The following PAFAH1B2 variants were observed in gnomAD, a reference collection of about 807,000 sequenced individuals.
PAFAH1B2 encodes platelet-activating factor acetylhydrolase IB subunit alpha2.
In PAFAH1B2, 8 loss-of-function variants were observed where a neutral mutation model predicts 28.0. The ratio of observed to expected loss-of-function variants is 0.29; its 90% CI spans 0.17 to 0.52. The LOEUF (loss-of-function observed/expected upper bound fraction) is 0.52. Among genes scored for constraint, PAFAH1B2 ranks in the 20% least tolerant of loss-of-function variants. The probability of loss-of-function intolerance (pLI) is 0.97; values close to 1 mark genes in which losing one functional copy is unlikely to be tolerated. For synonymous variants in PAFAH1B2, 104 were observed against 103.2 expected, an observed-to-expected ratio of 1.01 and a Z score of -0.05; for missense variants, 190 against 282.6, an observed-to-expected ratio of 0.67 and a Z score of 2.35.
chr11:117,159,689 C>G (rs1956327108), intron 2 of PAFAH1B2: 2 of 392,146 alleles, frequency 5.1e-6, no homozygotes, highest in Admixed American at 3.8e-5. Flanking sequence ...GAGCCAAGAT[C>G]ACGCCACTGT....
Position 117,169,275 on chromosome 11 carries a change from T to G in PAFAH1B2, c.*1576T>G. On this transcript the variant is annotated 3_prime_UTR_variant, in exon 6 of 6. Transcript: ENST00000527958. ...TCTGAGAATTTGTTGATCTTAATGTTCGAGCTATATAAGAACTGCCATTAA... is the reference window on the plus strand; with the variant it reads ...TCTGAGAATTTGTTGATCTTAATGTGCGAGCTATATAAGAACTGCCATTAA... 1 of 1,040,042 alleles carries G rather than the reference T, an allele frequency of 9.6e-7. No homozygotes were observed. The highest frequency in any genetic ancestry group is 4.6e-5 in the South Asian group (1 of 21,772). The allele number at this position is 1,040,042 out of a possible 1,614,324, so 64.4% of individuals were successfully genotyped here. A position where few individuals can be genotyped will look rare whatever the true frequency, so the allele number is the denominator to read the frequency against.
At chr11:117,177,032 ACC>A (rs2030019336), downstream of PAFAH1B2, 8 of 151,990 alleles carry the variant, frequency 5.3e-5, no homozygotes, top group African/African-American at 1.9e-4. Flanking sequence ...ATATGGTGAA[ACC>A]CCGTCTCTAC....
chr11:117,168,446 GTTTTTTTTTT>G lies in PAFAH1B2; in HGVS notation c.*763_*772del, dbSNP rs71469127. ...TCCCCTTCATTCCCCCCGCCACCCC[GTTTTTTTTTT>G]TTTTTTTTTTTTTTTGGTTCTTGTT... On this transcript the variant is annotated 3_prime_UTR_variant, in exon 6 of 6. Coordinates refer to ENST00000527958, the MANE Select transcript of PAFAH1B2 (RefSeq NM_002572.4). 47 of 235,944 alleles carry G rather than the reference GTTTTTTTTTT, an allele frequency of 2.0e-4. No homozygotes were observed. In the African/African-American group the frequency reaches 3.2e-3, roughly 16 times the overall value. The allele number at this position is 235,944 out of a possible 1,614,324, so 14.6% of individuals were successfully genotyped here.
At chr11:117,164,020 C>T in intron 5 of PAFAH1B2, 128 bp downstream of exon 5, 1 of 880,602 alleles carries the variant, frequency 1.1e-6, no homozygotes. Context: ...CTTTCGTTGA[C>T]CTCTTCTTTA....
chr11:117,146,004 G>A (rs1432865938), intron 1 of PAFAH1B2, among the ~76,000 whole-genome samples: 1 of 152,100 alleles, frequency 6.6e-6, no homozygotes, highest in African/African-American at 2.4e-5. Flanking sequence ...TCTTCCCAGA[G>A]AACTCACTTT....
At position 117,169,514 on chromosome 11, in the gene PAFAH1B2, A is replaced by G; in HGVS notation, c.*1815A>G. 9.5e-7 allele frequency: 1 copy of G among 1,055,070 alleles called. No individual in the cohort carries two copies. The highest frequency in any genetic ancestry group is 4.6e-5 in the South Asian group (1 of 21,902). The allele number at this position is 1,055,070 out of a possible 1,614,324, so 65.4% of individuals were successfully genotyped here. ...GGAGGAGGGCTTACTGATGCGTGCT[A>G]AGACCGATTTCTGATTGAGGGATGA... On this transcript the variant is annotated 3_prime_UTR_variant, in exon 6 of 6. Transcript: ENST00000527958.
downstream of PAFAH1B2, chr11:117,171,652 T>C: frequency 6.8e-7 from 1 of 1,478,954 alleles, no homozygotes; most frequent in Non-Finnish European, 9.1e-7. Flanking sequence ...ATACTCTATC[T>C]CAGAGATAGT....
intron 2 of PAFAH1B2, among the ~76,000 whole-genome samples, chr11:117,158,289 C>T (rs1956297051): frequency 6.6e-6 from 1 of 152,240 alleles, no homozygotes; most frequent in East Asian, 1.9e-4. Context: ...CTATCCTTCA[C>T]ACCTTGGCCT....
At position 117,146,114 on chromosome 11, in the gene PAFAH1B2, C is replaced by CT. The variant is rs376242740; in HGVS notation, c.-8+1715dup. On this transcript the variant is annotated intron_variant, in intron 1 of 5. Transcript: ENST00000527958. ...TTTGCATTCTGCTTGGTCTTTCTTT[C>CT]TTTTTTTTTTTTTTTTTTTGTGTGT... 9.8e-3 allele frequency among the ~76,000 whole-genome samples: 1,351 copies of CT among 137,830 alleles called. 17 individuals carry two copies. The highest frequency in any genetic ancestry group is 0.03 in the African/African-American group (1,054 of 35,312). The allele number at this position is 137,830 out of a possible 152,430, so 90.4% of individuals were successfully genotyped here.
At chr11:117,176,564 A>G (rs2029991951) in exon 6 of PAFAH1B2, 2 of 182,822 alleles carry the variant, frequency 1.1e-5, no homozygotes, top group Non-Finnish European at 1.2e-5. Context: ...AGAGGTGGCC[A>G]CATTTCTTTT....
At chr11:117,177,524 A>G (rs2030051567), downstream of PAFAH1B2, among the ~76,000 whole-genome samples, 1 of 152,166 alleles carries the variant, frequency 6.6e-6, no homozygotes, top group South Asian at 2.1e-4. Context: ...TGGAATATAT[A>G]CGGTTTTATT....
At chr11:117,153,437 A>G (rs1318504582) in intron 2 of PAFAH1B2, among the ~76,000 whole-genome samples, 1 of 151,940 alleles carries the variant, frequency 6.6e-6, no homozygotes, top group Non-Finnish European at 1.5e-5. Flanking sequence ...GCTGGAGTGC[A>G]GTGGTGCAAT....
At chr11:117,149,992 C>T (rs537984633) in intron 1 of PAFAH1B2, among the ~76,000 whole-genome samples, 42 of 151,688 alleles carry the variant, frequency 2.8e-4, no homozygotes, top group Non-Finnish European at 5.4e-4. Flanking sequence ...GGCTACAGGC[C>T]AGGACTTCAC....
chr11:117,164,041 C>T, intron 5 of PAFAH1B2, 149 bp downstream of exon 5: 3 of 741,250 alleles, frequency 4.0e-6, no homozygotes, highest in South Asian at 3.7e-5. Context: ...ATGTATTTTA[C>T]TGTCTTACTG....
At chr11:117,173,994 G>C (rs1045782420), downstream of PAFAH1B2, among the ~76,000 whole-genome samples, 2 of 151,912 alleles carry the variant, frequency 1.3e-5, no homozygotes, top group African/African-American at 4.8e-5. Flanking sequence ...TTTTTTTTCT[G>C]GGTTAAAGTT....
At chr11:117,158,633 T>A (rs1956305482) in intron 2 of PAFAH1B2, among the ~76,000 whole-genome samples, 1 of 142,510 alleles carries the variant, frequency 7.0e-6, no homozygotes, top group African/African-American at 2.6e-5. Flanking sequence ...TGATAATAGT[T>A]TGTGGGCTTT....
At position 117,167,663 on chromosome 11, in the gene PAFAH1B2, G is replaced by A. The variant is rs1188700598; in HGVS notation, c.654G>A (p.Glu218=). 2 of 1,572,056 alleles carry A rather than the reference G, an allele frequency of 1.3e-6. No individual in the cohort carries two copies. Among genetic ancestry groups the A allele is most frequent in the Non-Finnish European group, 1.7e-6 (2 of 1,151,636 alleles). Residue 218 remains glutamate, a synonymous_variant, in exon 6 of 6, where the codon GAG becomes GAA. Coordinates refer to ENST00000527958, the MANE Select transcript of PAFAH1B2 (RefSeq NM_002572.4). ...PLHELIMQLL[E]ETPEEKQTTI... ...ATGAACTGATCATGCAGTTGTTGGA[G>A]GAAACACCTGAGGAGAAACAAACCA...
Position 117,167,523 on chromosome 11 carries a change from CT to C in PAFAH1B2, c.515del (p.Leu172ProfsTer26). The C allele has an allele frequency of 6.2e-7, 1 of 1,612,976 alleles. No individual in the cohort carries two copies. On this transcript the variant is annotated frameshift_variant, in exon 6 of 6. Transcript: ENST00000527958. LOFTEE classifies it high-confidence loss of function. ...VSLPKLANVQ[L>X]LDTDGGFVHS... ...GCTGCCGAAGCTTGCCAACGTGCAG[CT>C]CCTGGATACCGACGGGGGTTTTGTG... is the stretch of plus-strand genomic sequence containing the variant.
chr11:117,152,372 G>A, intron 1 of PAFAH1B2, 69 bp from the exon 2 acceptor site: 2 of 877,538 alleles, frequency 2.3e-6, no homozygotes, highest in East Asian at 2.4e-5. Flanking sequence ...AGCCTGATGT[G>A]TATAATATTT....
Sources: gnomAD v4.1 joint callset for allele counts (sites outside exome capture counted in the v4.1 genomes callset) on GRCh38, gnomAD v4.1.1 for gene constraint, MANE v1.5 for transcripts, NCBI Gene and HGNC (gene_info 2026-07-23, HGNC 2026-07-21) for gene names.